Variants in MCCC2 observed in about 807,000 individuals in gnomAD.
MCCC2 encodes methylcrotonoyl-CoA carboxylase beta chain, mitochondrial.
A neutral mutation model predicts 77.2 loss-of-function variants in MCCC2; 52 were observed. The ratio of observed to expected loss-of-function variants is 0.67; its 90% CI spans 0.54 to 0.85. The LOEUF is 0.85. MCCC2 is among the 40% of genes least tolerant of loss of function. The probability of loss-of-function intolerance (pLI) is 0.00; values close to 1 mark genes in which losing one functional copy is unlikely to be tolerated. For missense variants in MCCC2, 682 were observed against 703.2 expected, an observed-to-expected ratio of 0.97 and a Z score of 0.34; for synonymous variants, 253 against 248.4, an observed-to-expected ratio of 1.02 and a Z score of -0.18.
At chr5:71,624,033 ACT>A (rs569403053) in intron 6 of MCCC2, among the ~76,000 whole-genome samples, 139 of 152,204 alleles carry the variant, frequency 9.1e-4, no homozygotes, top group African/African-American at 3.3e-3. Flanking sequence ...ATTTCTCATA[ACT>A]CTGGAGGCTG....
chr5:71,630,058 A>T (rs574573270), intron 7 of MCCC2, among the ~76,000 whole-genome samples: 1 of 152,210 alleles, frequency 6.6e-6, no homozygotes, highest in Non-Finnish European at 1.5e-5. Context: ...TAAAGAAGCC[A>T]CTTGGCAGCC....
intron 3 of MCCC2, 115 bp downstream of exon 3, chr5:71,596,479 A>C: frequency 3.1e-6 from 3 of 972,678 alleles, no homozygotes. Context: ...ATTCAGGAAC[A>C]TGTGTTTATT....
chr5:71,654,833 G>C (rs1366089446), intron 16 of MCCC2, among the ~76,000 whole-genome samples: 1 of 150,556 alleles, frequency 6.6e-6, no homozygotes, highest in Non-Finnish European at 1.5e-5. Context: ...CTGTGGATCT[G>C]TAGATTTTTT....
In MCCC2 at chr5:71,592,988, A is replaced by G; in HGVS notation, c.192A>G (p.Lys64=). 6.2e-7 allele frequency: 1 copy of G among 1,611,702 alleles called. No individual in the cohort carries two copies. Among genetic ancestry groups the G allele is most frequent in the South Asian group, 1.1e-5 (1 of 91,000 alleles). Residue 64 remains lysine, a synonymous_variant, in exon 2 of 17, where the codon AAA becomes AAG. Transcript: ENST00000340941. ...TCCATGAACGAGTGGAGCATATAAAACTAGGTAAACACAGCATTTATTCCA... is the reference window on the plus strand; with the variant it reads ...TCCATGAACGAGTGGAGCATATAAAGCTAGGTAAACACAGCATTTATTCCA... ...NQLHERVEHI[K]LGGGEKARAL...
intron 3 of MCCC2, 108 bp downstream of exon 3, chr5:71,596,472 C>G (rs1220430640): frequency 9.9e-7 from 1 of 1,013,466 alleles, no homozygotes; most frequent in Non-Finnish European, 1.6e-6. Context: ...TCGTAAGATT[C>G]AGGAACATGT....
chr5:71,641,518 C>T (rs1394277664), intron 11 of MCCC2: 2 of 208,274 alleles, frequency 9.6e-6, no homozygotes, highest in African/African-American at 4.8e-5. Context: ...AACCTTCTCA[C>T]AGCCTCTGTG....
chr5:71,602,785 ACT>A, intron 5 of MCCC2, 152 bp downstream of exon 5: 2 of 1,142,690 alleles, frequency 1.8e-6, no homozygotes, highest in East Asian at 2.6e-5. Context: ...TTTGCTGAAA[ACT>A]CTGGGGGAAA....
At chr5:71,639,795 A>T (rs183008138) in intron 10 of MCCC2, among the ~76,000 whole-genome samples, 5 of 152,234 alleles carry the variant, frequency 3.3e-5, no homozygotes, top group Admixed American at 6.5e-5. Context: ...TTTTACAGGT[A>T]TATAGCACCC....
intron 5 of MCCC2, chr5:71,602,970 CTT>C: frequency 7.0e-6 from 2 of 286,714 alleles, no homozygotes; most frequent in African/African-American, 2.2e-5. Context: ...TTATAGATCT[CTT>C]GAGTGCCAGG....
intron 6 of MCCC2, among the ~76,000 whole-genome samples, chr5:71,623,023 G>GA (rs894025215): frequency 3.3e-5 from 5 of 150,730 alleles, no homozygotes; most frequent in Non-Finnish European, 7.4e-5. Flanking sequence ...CATGAAAAAA[G>GA]AAAAAAAAAG....
In MCCC2 at chr5:71,656,590, G is replaced by A. The variant is rs139979858; in HGVS notation, c.1575-153G>A. ...CACGTTTTCCCCCTCTGTCTTGAAC[G>A]TAGTTTCTGTTGTGAGATTATGGTA... On this transcript the variant is annotated intron_variant, in intron 16 of 16. Transcript: ENST00000340941. Among the ~76,000 whole-genome samples, 232 of 152,292 alleles carry A rather than the reference G, an allele frequency of 1.5e-3. 2 individuals carry two copies. The highest frequency in any genetic ancestry group is 5.4e-3 in the African/African-American group (223 of 41,574).
At chr5:71,623,095 C>G (rs1027279076) in intron 6 of MCCC2, among the ~76,000 whole-genome samples, 1 of 152,178 alleles carries the variant, frequency 6.6e-6, no homozygotes, top group Non-Finnish European at 1.5e-5. Flanking sequence ...CTTTGAAGAA[C>G]AACAATAGAA....
chr5:71,653,756 C>G (rs1747503969), intron 16 of MCCC2, among the ~76,000 whole-genome samples: 1 of 150,634 alleles, frequency 6.6e-6, no homozygotes, highest in South Asian at 2.1e-4. Flanking sequence ...AAGGCTGAGG[C>G]AAGCAGATCA....
At chr5:71,635,486 A>G in intron 10 of MCCC2, 1 of 560,362 alleles carries the variant, frequency 1.8e-6, no homozygotes, top group South Asian at 1.8e-5. Flanking sequence ...CATTGCGCAA[A>G]AAGTGTGATT....
rs953404072 is a variant in MCCC2, at chr5:71,657,424, CCTT to C, written c.*565_*567del. On this transcript the variant is annotated 3_prime_UTR_variant, in exon 17 of 17. Coordinates refer to ENST00000340941, the MANE Select transcript of MCCC2 (RefSeq NM_022132.5). ...CCCCTCCCCCGAGCCCATGACATCTCCTTATTATTATTTTTTTTTTGAGACAGG... is the reference window on the plus strand; with the variant it reads ...CCCCTCCCCCGAGCCCATGACATCTCATTATTATTTTTTTTTTGAGACAGG... 1.3e-5 allele frequency: 2 copies of C among 153,096 alleles called. No individual in the cohort carries two copies. The highest frequency in any genetic ancestry group is 2.9e-5 in the Non-Finnish European group (2 of 68,920). The allele number at this position is 153,096 out of a possible 1,614,324, so 9.5% of individuals were successfully genotyped here.
At chr5:71,622,186 C>A (rs1323307279) in intron 6 of MCCC2, among the ~76,000 whole-genome samples, 1 of 151,954 alleles carries the variant, frequency 6.6e-6, no homozygotes, top group Non-Finnish European at 1.5e-5. Flanking sequence ...GATCACTTGT[C>A]CAGTGAGCTT....
chr5:71,609,826 C>T (rs540456917), intron 6 of MCCC2, among the ~76,000 whole-genome samples: 2 of 151,924 alleles, frequency 1.3e-5, no homozygotes, highest in African/African-American at 2.4e-5. Context: ...AATACCCTGC[C>T]GTGTGAGATG....
chr5:71,602,837 A>G lies in MCCC2; in HGVS notation c.511+204A>G, dbSNP rs142949291. 6,335 of 676,862 alleles carry G rather than the reference A, an allele frequency of 9.4e-3. 47 individuals carry two copies. Among genetic ancestry groups the G allele is most frequent in the Non-Finnish European group, 0.012 (4,913 of 420,342 alleles). 41.9% of individuals were successfully genotyped at this position (676,862 alleles called of 1,614,324 possible). A position where few individuals can be genotyped will look rare whatever the true frequency, so the allele number is the denominator to read the frequency against. ...TTCATAGTACTAGTGCATAATACTC[A>G]TACATTTTGACGCATGCCAGTTTTT... On this transcript the variant is annotated intron_variant, in intron 5 of 16. Transcript: ENST00000340941.
chr5:71,603,634 G>T (rs1253285301), intron 5 of MCCC2, among the ~76,000 whole-genome samples: 4 of 152,170 alleles, frequency 2.6e-5, no homozygotes, highest in African/African-American at 9.7e-5. Flanking sequence ...CCAGCTGCTT[G>T]TAGGTGCTGT....
Sources: allele counts gnomAD v4.1 joint callset (sites outside exome capture counted in the v4.1 genomes callset), GRCh38; gene constraint gnomAD v4.1.1; transcripts MANE v1.5; gene names NCBI Gene and HGNC (gene_info 2026-07-23, HGNC 2026-07-21).